Variants in PDZD8 observed in about 807,000 individuals in gnomAD.
PDZD8 encodes PDZ domain-containing protein 8.
In PDZD8, 14 loss-of-function variants were observed where a neutral mutation model predicts 85.8. The ratio of observed to expected loss-of-function variants is 0.16; its 90% CI spans 0.11 to 0.26. The LOEUF (loss-of-function observed/expected upper bound fraction) is 0.26, where lower values mean the gene tolerates loss of function less well. PDZD8 is among the 10% of genes least tolerant of loss of function. The pLI, the probability that PDZD8 is intolerant of heterozygous loss-of-function variation, is 1.00. For missense variants in PDZD8, 1,197 were observed against 1,424.3 expected, an observed-to-expected ratio of 0.84 and a Z score of 2.57; for synonymous variants, 592 against 568.6, an observed-to-expected ratio of 1.04 and a Z score of -0.59.
At chr10:117,354,739 C>A (rs376154807) in intron 1 of PDZD8, among the ~76,000 whole-genome samples, 3 of 152,088 alleles carry the variant, frequency 2.0e-5, no homozygotes, top group Non-Finnish European at 4.4e-5. Context: ...TGCTTTCAGT[C>A]GGAAAGTTTT....
chr10:117,356,990 A>G (rs1192355341), intron 1 of PDZD8, among the ~76,000 whole-genome samples: 3 of 152,238 alleles, frequency 2.0e-5, no homozygotes, highest in Non-Finnish European at 4.4e-5. Context: ...TCCCAGTAAA[A>G]GCAATAAAGC....
At chr10:117,311,524 G>A (rs891071931) in intron 3 of PDZD8, among the ~76,000 whole-genome samples, 3 of 152,022 alleles carry the variant, frequency 2.0e-5, no homozygotes, top group African/African-American at 4.8e-5. Context: ...CTGCTGATAC[G>A]GAAGATATTG....
chr10:117,368,583 A>C (rs559449887), intron 1 of PDZD8, among the ~76,000 whole-genome samples: 4 of 152,202 alleles, frequency 2.6e-5, no homozygotes, highest in Non-Finnish European at 5.9e-5. Flanking sequence ...ATTTACTTTG[A>C]AAGATTTTGA....
At chr10:117,336,949 C>A (rs1402604433) in intron 2 of PDZD8, among the ~76,000 whole-genome samples, 1 of 151,686 alleles carries the variant, frequency 6.6e-6, no homozygotes, top group Non-Finnish European at 1.5e-5. Context: ...CCTAGCTGGG[C>A]ATGGTGGTGG....
chr10:117,364,183 T>G (rs930958778), intron 1 of PDZD8, among the ~76,000 whole-genome samples: 14 of 45,058 alleles, frequency 3.1e-4, no homozygotes, highest in South Asian at 2.7e-3. Flanking sequence ...AATTTATGGG[T>G]GTGTGTGTGT....
chr10:117,358,136 C>T (rs1453359999), intron 1 of PDZD8, among the ~76,000 whole-genome samples: 1 of 152,078 alleles, frequency 6.6e-6, no homozygotes, highest in Non-Finnish European at 1.5e-5. Flanking sequence ...AAAAAGTTCC[C>T]TGTTTCTTAA....
intron 1 of PDZD8, among the ~76,000 whole-genome samples, chr10:117,370,773 C>T (rs967488316): frequency 1.4e-5 from 2 of 147,266 alleles, no homozygotes; most frequent in African/African-American, 5.2e-5. Context: ...AAAGGATCCT[C>T]TAAAATGACC....
chr10:117,368,857 T>TG (rs1845136776), intron 1 of PDZD8, among the ~76,000 whole-genome samples: 1 of 96,586 alleles, frequency 1.0e-5, no homozygotes, highest in Non-Finnish European at 2.3e-5. Flanking sequence ...CAATGTTTTT[T>TG]TTTTTTTTTT....
intron 2 of PDZD8, among the ~76,000 whole-genome samples, chr10:117,329,957 G>GAGGGAGGAAGGGAAGGA (rs1329549732): frequency 2.6e-4 from 33 of 128,662 alleles, no homozygotes; most frequent in African/African-American, 9.1e-4. Context: ...AGAAAGGAAG[G>GAGGGAGGAAGGGAAGGA]AGGGAGGAAG....
chr10:117,352,104 A>G (rs1435124071), intron 1 of PDZD8, among the ~76,000 whole-genome samples: 1 of 152,116 alleles, frequency 6.6e-6, no homozygotes, highest in African/African-American at 2.4e-5. Flanking sequence ...AACATCTAAA[A>G]TATGTCTTAC....
intron 1 of PDZD8, among the ~76,000 whole-genome samples, chr10:117,370,918 T>TTGTGTGTGTGTGTGTGTGTGTG (rs71475194): frequency 1.2e-3 from 181 of 146,438 alleles, no homozygotes; most frequent in South Asian, 5.7e-3. Flanking sequence ...ACAACATAGT[T>TTGTGTGTGTGTGTGTGTGTGTG]TGTGTGTGTG....
rs1320454944 is a variant in PDZD8, at chr10:117,375,325, G to A, written c.-98C>T. ...TGCCTCCATTTTGAGGACATCGGGC[G>A]GCTGGGTCGGGGCGAGCGGCTCCGT... On this transcript the variant is annotated 5_prime_UTR_variant, in exon 1 of 5. Transcript: ENST00000334464. 3.4e-6 allele frequency: 4 copies of A among 1,186,048 alleles called. No individual in the cohort carries two copies. The highest frequency in any genetic ancestry group is 1.8e-5 in the South Asian group (1 of 55,776). The allele number at this position is 1,186,048 out of a possible 1,614,324, so 73.5% of individuals were successfully genotyped here. A position where few individuals can be genotyped will look rare whatever the true frequency, so the allele number is the denominator to read the frequency against.
At chr10:117,361,987 C>G (rs1326661036) in intron 1 of PDZD8, among the ~76,000 whole-genome samples, 5 of 152,020 alleles carry the variant, frequency 3.3e-5, no homozygotes, top group Non-Finnish European at 5.9e-5. Flanking sequence ...ATTTTGGTAT[C>G]CTGGTGGAAT....
At chr10:117,319,542 G>A (rs2532785) in intron 2 of PDZD8, among the ~76,000 whole-genome samples, 116,830 of 152,006 alleles carry the variant, frequency 0.77, 45,559 homozygotes, top group Non-Finnish European at 0.85. Context: ...TCTGAGAACT[G>A]TTGTGAGTAA....
intron 1 of PDZD8, among the ~76,000 whole-genome samples, chr10:117,345,246 G>A (rs1289555349): frequency 6.6e-6 from 1 of 152,204 alleles, no homozygotes; most frequent in South Asian, 2.1e-4. Flanking sequence ...GTGGTGAAAA[G>A]CACATGTCTT....
At chr10:117,365,344 A>G (rs976409024) in intron 1 of PDZD8, among the ~76,000 whole-genome samples, 2 of 152,220 alleles carry the variant, frequency 1.3e-5, no homozygotes, top group African/African-American at 4.8e-5. Context: ...AGTTTTTTAA[A>G]AAAAGATGCT....
At chr10:117,302,364 C>G (rs2803810) in intron 3 of PDZD8, among the ~76,000 whole-genome samples, 111,964 of 152,172 alleles carry the variant, frequency 0.74, 42,619 homozygotes, top group Non-Finnish European at 0.85. Context: ...TGGATGCACA[C>G]AATCACACCA....
At chr10:117,309,586 T>C (rs981986531) in intron 3 of PDZD8, among the ~76,000 whole-genome samples, 10 of 152,012 alleles carry the variant, frequency 6.6e-5, no homozygotes, top group Admixed American at 5.2e-4. Flanking sequence ...TTCCCAGTGG[T>C]ATTCAAGCCA....
At position 117,280,358 on chromosome 10, in the gene PDZD8, C is replaced by G. The variant is rs1844560336; in HGVS notation, c.*2910G>C. 6.6e-6 allele frequency: 1 copy of G among 152,118 alleles called. No individual in the cohort carries two copies. Among genetic ancestry groups the G allele is most frequent in the Non-Finnish European group, 1.5e-5 (1 of 68,014 alleles). The allele number at this position is 152,118 out of a possible 1,614,324, so 9.4% of individuals were successfully genotyped here. On this transcript the variant is annotated 3_prime_UTR_variant, in exon 5 of 5. Coordinates refer to ENST00000334464, the MANE Select transcript of PDZD8 (RefSeq NM_173791.5). ...TAGTAAAAAAATGTTTTGGGGCAGTCTGCAAAACAGCAATTTTGTTTAGGA... is the reference window on the plus strand; with the variant it reads ...TAGTAAAAAAATGTTTTGGGGCAGTGTGCAAAACAGCAATTTTGTTTAGGA...
Sources: gnomAD v4.1 joint callset for allele counts (sites outside exome capture counted in the v4.1 genomes callset) on GRCh38, gnomAD v4.1.1 for gene constraint, MANE v1.5 for transcripts, NCBI Gene and HGNC (gene_info 2026-07-23, HGNC 2026-07-21) for gene names.